DNAH11: variants seen among roughly 807,000 people sequenced by gnomAD.
The protein encoded by DNAH11 is dynein axonemal heavy chain 11.
In DNAH11, 442 loss-of-function variants were observed where a neutral mutation model predicts 526.0. The observed-to-expected ratio is 0.84, with a 90% CI of 0.78 to 0.91. DNAH11 has a LOEUF of 0.91. DNAH11 is among the 40% of genes least tolerant of loss of function. The pLI, the probability that DNAH11 is intolerant of heterozygous loss-of-function variation, is 0.00. For synonymous variants in DNAH11, 2,461 were observed against 1,935.9 expected, an observed-to-expected ratio of 1.27 and a Z score of -7.12; for missense variants, 6,989 against 5,448.7, an observed-to-expected ratio of 1.28 and a Z score of -8.90.
chr7:21,681,797 T>G, intron 31 of DNAH11, 120 bp downstream of exon 31: 1 of 1,258,110 alleles, frequency 7.9e-7, no homozygotes, highest in Non-Finnish European at 1.2e-6. Flanking sequence ...TAATTAGTCC[T>G]GAAAAGTTGT....
intron 65 of DNAH11, among the ~76,000 whole-genome samples, chr7:21,828,605 A>G (rs1790410849): frequency 6.6e-6 from 1 of 152,176 alleles, no homozygotes; most frequent in Non-Finnish European, 1.5e-5. Flanking sequence ...TTTTCTTTTT[A>G]AAAAGCAGTC....
chr7:21,633,340 G>A (rs1283355754), intron 25 of DNAH11, among the ~76,000 whole-genome samples: 2 of 152,306 alleles, frequency 1.3e-5, no homozygotes, highest in East Asian at 3.9e-4. Context: ...GGTCTAAGGT[G>A]TTCAAGTCCA....
At chr7:21,612,297 T>C (rs943005741) in intron 20 of DNAH11, among the ~76,000 whole-genome samples, 4 of 152,090 alleles carry the variant, frequency 2.6e-5, no homozygotes, top group Admixed American at 2.0e-4. Context: ...GGCTCACGCC[T>C]GTAATCCCAG....
intron 36 of DNAH11, among the ~76,000 whole-genome samples, chr7:21,701,377 C>A (rs1381009174): frequency 1.3e-5 from 2 of 151,518 alleles, no homozygotes; most frequent in Non-Finnish European, 2.9e-5. Flanking sequence ...ACAGCCTCGA[C>A]CTTCCTGGCT....
chr7:21,761,094 G>A (rs187400919), intron 54 of DNAH11, among the ~76,000 whole-genome samples: 260 of 152,212 alleles, frequency 1.7e-3, no homozygotes, highest in African/African-American at 5.6e-3. Context: ...CTGTAAAGTC[G>A]TGTAAACTGT....
intron 56 of DNAH11, among the ~76,000 whole-genome samples, chr7:21,776,006 A>C (rs1787656048): frequency 6.6e-6 from 1 of 152,214 alleles, no homozygotes; most frequent in South Asian, 2.1e-4. Flanking sequence ...ACCATCCTGG[A>C]CCATTCCAGT....
At chr7:21,893,050 A>G (rs1784383845) in intron 77 of DNAH11, among the ~76,000 whole-genome samples, 1 of 152,242 alleles carries the variant, frequency 6.6e-6, no homozygotes, top group African/African-American at 2.4e-5. Context: ...CTATATGAAT[A>G]TAAAATTCTT....
chr7:21,787,773 ACTAT>A (rs1788256345), intron 60 of DNAH11, among the ~76,000 whole-genome samples, 190 bp downstream of exon 60: 2 of 152,228 alleles, frequency 1.3e-5, no homozygotes, highest in South Asian at 4.1e-4. Context: ...AATGTTAGAA[ACTAT>A]CTTTTTTTGG....
In DNAH11 at chr7:21,698,151, C is replaced by T. The variant is rs199772877; in HGVS notation, c.6118C>T (p.Arg2040Cys). 200 of 1,613,476 alleles carry T rather than the reference C, an allele frequency of 1.2e-4. No individual in the cohort carries two copies. The highest frequency in any genetic ancestry group is 1.5e-4 in the Non-Finnish European group (179 of 1,179,698). The change falls in exon 36 of 82, where the codon CGT (arginine) becomes TGT (cysteine). Residue 2040 changes from arginine to cysteine, a missense_variant. Transcript: ENST00000409508. Reference sequence around the variant, plus strand: ...AGTTGCTGAAGGTTTTGTGGATGCGCGTGCATTAGCCCGAAAGTTCATTAC... The same window carrying T: ...AGTTGCTGAAGGTTTTGTGGATGCGTGTGCATTAGCCCGAAAGTTCATTAC... Reference protein sequence around the residue: ...LLVAEGFVDARALARKFITLY... With the variant: ...LLVAEGFVDACALARKFITLY...
intron 54 of DNAH11, among the ~76,000 whole-genome samples, chr7:21,763,763 T>A (rs1787036394): frequency 6.8e-6 from 1 of 147,240 alleles, no homozygotes; most frequent in Admixed American, 7.1e-5. Flanking sequence ...AAAATGTCCA[T>A]CAACAGGCAA....
chr7:21,901,166 C>G lies in DNAH11; in HGVS notation c.13463C>G (p.Pro4488Arg), dbSNP rs1384052490. ...CPVYRTKLRG[P>R]SYIWTFRLKS... ...GTGTATAGAACCAAACTGAGAGGCCCCAGCTACATCTGGACCTTCAGGCTG... is the reference window on the plus strand; with the variant it reads ...GTGTATAGAACCAAACTGAGAGGCCGCAGCTACATCTGGACCTTCAGGCTG... The change falls in exon 82 of 82, where the codon CCC (proline) becomes CGC (arginine). Residue 4488 changes from proline to arginine, a missense_variant. Coordinates refer to ENST00000409508, the MANE Select transcript of DNAH11 (RefSeq NM_001277115.2). 4 of 1,611,636 alleles carry G rather than the reference C, an allele frequency of 2.5e-6. No homozygotes were observed. In the East Asian group the frequency reaches 6.7e-5, roughly 27 times the overall value.
chr7:21,616,806 G>A (rs1385988998), intron 22 of DNAH11, among the ~76,000 whole-genome samples: 1 of 152,158 alleles, frequency 6.6e-6, no homozygotes, highest in Admixed American at 6.6e-5. Context: ...GTACTTATTG[G>A]AATTTGATGT....
chr7:21,864,416 G>C (rs1476648459), intron 69 of DNAH11, 119 bp from the exon 70 acceptor site: 2 of 834,840 alleles, frequency 2.4e-6, no homozygotes, highest in Non-Finnish European at 1.8e-6. Context: ...ATGTCAAGTG[G>C]AGTTCCCAGC....
intron 18 of DNAH11, among the ~76,000 whole-genome samples, chr7:21,602,563 GTGTGTGTGTGTGT>G: frequency 4.2e-5 from 1 of 23,852 alleles, no homozygotes; most frequent in African/African-American, 9.5e-5. Context: ...TAGATTGTGT[GTGTGTGTGTGTGT>G]GTGTGTGTGT....
Position 21,880,706 on chromosome 7 carries a change from C to T in DNAH11, c.12200C>T (p.Thr4067Ile), listed in dbSNP as rs571318653. 1.2e-6 allele frequency: 2 copies of T among 1,613,678 alleles called. No homozygotes were observed. The highest frequency in any genetic ancestry group is 2.2e-5 in the South Asian group (2 of 91,032). Residue 4067 changes from threonine to isoleucine, a missense_variant, in exon 75 of 82, where the codon ACA becomes ATA. Coordinates refer to ENST00000409508, the MANE Select transcript of DNAH11 (RefSeq NM_001277115.2). ...ATTTCTTCTCTTTTTTCCCAGGATA[C>T]ACTTGAAATATGCTCCAAGGAGCAG... is the stretch of plus-strand genomic sequence containing the variant. ...HAALYNFDQDTLEICSKEQEF... is the reference protein window; with the variant it reads ...HAALYNFDQDILEICSKEQEF...
chr7:21,657,902 A>G (rs887237678), intron 29 of DNAH11, among the ~76,000 whole-genome samples: 2 of 152,174 alleles, frequency 1.3e-5, no homozygotes, highest in Admixed American at 6.5e-5. Flanking sequence ...AGGTTCTAGG[A>G]ATGCTGCTGC....
At chr7:21,728,725 G>T (rs1431995894) in intron 45 of DNAH11, among the ~76,000 whole-genome samples, 1 of 152,208 alleles carries the variant, frequency 6.6e-6, no homozygotes, top group Non-Finnish European at 1.5e-5. Flanking sequence ...TACAAAACCA[G>T]AGAAGTTACC....
intron 56 of DNAH11, 55 bp from the exon 57 acceptor site, chr7:21,778,903 C>G: frequency 1.3e-6 from 2 of 1,583,174 alleles, no homozygotes; most frequent in South Asian, 1.1e-5. Flanking sequence ...TAAGCTCTAT[C>G]TGGGATTTGT....
At chr7:21,678,651 A>G (rs1783007645) in intron 30 of DNAH11, among the ~76,000 whole-genome samples, 1 of 152,104 alleles carries the variant, frequency 6.6e-6, no homozygotes. Context: ...TCTGGGCAGT[A>G]CAGAGATTTT....
Sources: gnomAD v4.1 joint callset for allele counts (sites outside exome capture counted in the v4.1 genomes callset) on GRCh38, gnomAD v4.1.1 for gene constraint, MANE v1.5 for transcripts, NCBI Gene and HGNC (gene_info 2026-07-23, HGNC 2026-07-21) for gene names.